TP63: variants seen among roughly 807,000 people sequenced by gnomAD.
The protein encoded by TP63 is tumor protein 63.
A neutral mutation model predicts 82.8 loss-of-function variants in TP63; 17 were observed. The ratio of observed to expected loss-of-function variants is 0.21; its 90% CI spans 0.14 to 0.31. The LOEUF is 0.31. Among genes scored for constraint, TP63 ranks in the 10% least tolerant of loss-of-function variants. The probability of loss-of-function intolerance (pLI) is 1.00; values close to 1 mark genes in which losing one functional copy is unlikely to be tolerated. For missense variants in TP63, 648 were observed against 895.3 expected (o/e 0.72, Z 3.52); for synonymous variants, 330 against 321.7 (o/e 1.03, Z -0.28).
chr3:189,817,435 C>A (rs902442795), intron 4 of TP63, among the ~76,000 whole-genome samples: 1 of 152,042 alleles, frequency 6.6e-6, no homozygotes, highest in African/African-American at 2.4e-5. Context: ...TGGGGCAGGT[C>A]TTTTGTCTCT....
rs186946512 is a variant in TP63 at position 189,718,065 on chromosome 3, T to C, written c.63-19675T>C. On this transcript the variant is annotated intron_variant, in intron 1 of 13. Transcript: ENST00000264731. ...GGAAAAACAAAAACAAATGCCAATC[T>C]TTACAGAGGGTAACCTACAAGGATA... Among the ~76,000 whole-genome samples, 8 of 152,248 alleles carry C rather than the reference T, an allele frequency of 5.3e-5. No individual in the cohort carries two copies. In the East Asian group the frequency reaches 1.2e-3, roughly 22 times the overall value.
intron 1 of TP63, among the ~76,000 whole-genome samples, chr3:189,690,156 C>A (rs573722663): frequency 6.6e-6 from 1 of 152,196 alleles, no homozygotes; most frequent in African/African-American, 2.4e-5. Context: ...CTTCCAATCT[C>A]CTGGTAAACC....
At chr3:189,682,572 A>ATATATG (rs1560107560) in intron 1 of TP63, among the ~76,000 whole-genome samples, 16 of 50,298 alleles carry the variant, frequency 3.2e-4, no homozygotes, top group Non-Finnish European at 4.8e-4. Flanking sequence ...ATATATATAT[A>ATATATG]TATATATATA....
At chr3:189,887,025 A>G (rs557821920) in intron 11 of TP63, among the ~76,000 whole-genome samples, 2 of 152,192 alleles carry the variant, frequency 1.3e-5, no homozygotes, top group African/African-American at 4.8e-5. Context: ...CCTGGCCAAC[A>G]TGGTGAAACC....
At chr3:189,613,197 C>G in the TP63 span, among the ~76,000 whole-genome samples, 12 of 151,950 alleles carry the variant, frequency 7.9e-5, no homozygotes, top group African/African-American at 2.7e-4. Context: ...CCCAGAGACC[C>G]AGGAGGAAAA....
intron 4 of TP63, among the ~76,000 whole-genome samples, chr3:189,839,410 G>A (rs1412531880): frequency 3.3e-5 from 5 of 152,082 alleles, no homozygotes; most frequent in African/African-American, 1.2e-4. Context: ...GTAAAGTGTG[G>A]TTCCTATAAA....
At chr3:189,609,412 G>A in the TP63 span, among the ~76,000 whole-genome samples, 4 of 151,750 alleles carry the variant, frequency 2.6e-5, no homozygotes, top group Non-Finnish European at 2.9e-5. Context: ...TTATTTTTTG[G>A]TTTGAGGGTA....
chr3:189,889,456 C>T lies in TP63; in HGVS notation c.1624C>T (p.Pro542Ser). 5 of 1,614,194 alleles carry T rather than the reference C, an allele frequency of 3.1e-6. No homozygotes were observed. The highest frequency in any genetic ancestry group is 4.2e-6 in the Non-Finnish European group (5 of 1,180,024). The stretch of plus-strand genomic sequence containing the variant: ...CACCTCCCACTGCACACCCCCACCT[C>T]CGTATCCCACAGATTGCAGCATTGT... ...PSTSHCTPPP[P>S]YPTDCSIVSF... The change falls in exon 12 of 14, where the codon CCG becomes TCG. Residue 542 changes from proline (P) to serine (S), a missense_variant. Physicochemically the swap from Pro to Ser is moderately conservative, Grantham distance 74. This residue lies in a region of TP63 where 342 missense variants were observed against 425.7 expected (regional missense o/e 0.80). Transcript: ENST00000264731.
intron 4 of TP63, among the ~76,000 whole-genome samples, chr3:189,830,209 C>G (rs749469347): frequency 1.3e-5 from 2 of 152,150 alleles, no homozygotes; most frequent in African/African-American, 4.8e-5. Flanking sequence ...GTGAAAAAAG[C>G]TAGACCTTTA....
chr3:189,658,291 A>T (rs565852771), intron 1 of TP63, among the ~76,000 whole-genome samples: 4 of 152,224 alleles, frequency 2.6e-5, no homozygotes, highest in African/African-American at 9.6e-5. Flanking sequence ...AAGCAAATTA[A>T]TATAGGAGAA....
intron 4 of TP63, among the ~76,000 whole-genome samples, chr3:189,826,719 C>T (rs760959869): frequency 3.9e-5 from 6 of 152,230 alleles, no homozygotes; most frequent in East Asian, 1.9e-4. Flanking sequence ...ACTAAGAGGA[C>T]GCATAGCATG....
At chr3:189,728,565 A>T (rs1313808985) in intron 1 of TP63, among the ~76,000 whole-genome samples, 1 of 152,220 alleles carries the variant, frequency 6.6e-6, no homozygotes, top group Non-Finnish European at 1.5e-5. Flanking sequence ...AACCTGTAGG[A>T]TACAGCTGAT....
At chr3:189,834,131 T>TG (rs1300765434) in intron 4 of TP63, among the ~76,000 whole-genome samples, 2 of 152,218 alleles carry the variant, frequency 1.3e-5, no homozygotes, top group Admixed American at 1.3e-4. Flanking sequence ...GAAGCTTGAC[T>TG]ACCGTGGAGA....
chr3:189,717,720 G>T (rs956601850), intron 1 of TP63, among the ~76,000 whole-genome samples: 4 of 152,136 alleles, frequency 2.6e-5, no homozygotes, highest in Non-Finnish European at 5.9e-5. Flanking sequence ...TTAGGCTTGA[G>T]GATATCTCTT....
intron 4 of TP63, among the ~76,000 whole-genome samples, chr3:189,829,577 C>G (rs1711982318): frequency 6.6e-6 from 1 of 152,142 alleles, no homozygotes; most frequent in African/African-American, 2.4e-5. Flanking sequence ...AATGTGGAAA[C>G]AGCTTTGGAA....
In TP63 at chr3:189,808,415, C is replaced by T. The variant is rs759567158; in HGVS notation, c.468C>T (p.Phe156=). The T allele has an allele frequency of 1.9e-6, 3 of 1,614,078 alleles. No individual in the cohort carries two copies. The highest frequency in any genetic ancestry group is 1.1e-5 in the South Asian group (1 of 91,084). ...PSPYAQPSST[F]DALSPSPAIP... The stretch of plus-strand genomic sequence containing the variant: ...CCTACGCACAGCCCAGCTCCACCTT[C>T]GATGCTCTCTCTCCATCACCCGCCA... Residue 156 remains phenylalanine (F), a synonymous_variant, in exon 4 of 14, where the codon TTC becomes TTT. Transcript: ENST00000264731.
chr3:189,662,416 T>C (rs1024453432), intron 1 of TP63, among the ~76,000 whole-genome samples: 12 of 152,118 alleles, frequency 7.9e-5, no homozygotes, highest in Non-Finnish European at 1.3e-4. Flanking sequence ...TTTATTCCAC[T>C]GTGATCTGAG....
the TP63 span, among the ~76,000 whole-genome samples, chr3:189,611,699 T>C: frequency 6.6e-6 from 1 of 152,224 alleles, no homozygotes; most frequent in Non-Finnish European, 1.5e-5. Flanking sequence ...TAGCATTGTA[T>C]CTTTAAGTTG....
chr3:189,841,016 A>G (rs1307238176), intron 4 of TP63, among the ~76,000 whole-genome samples: 5 of 152,072 alleles, frequency 3.3e-5, no homozygotes, highest in African/African-American at 4.8e-5. Flanking sequence ...AAGTTTATAT[A>G]TATGTATATA....
Sources: allele counts gnomAD v4.1 joint callset (sites outside exome capture counted in the v4.1 genomes callset), GRCh38; gene constraint gnomAD v4.1.1; regional missense constraint gnomAD v4.1.1; transcripts MANE v1.5; gene names NCBI Gene and HGNC (gene_info 2026-07-23, HGNC 2026-07-21).